Variants in CA10 observed in about 807,000 individuals in gnomAD.
CA10 encodes the protein carbonic anhydrase-related protein 10.
Under a neutral mutation model 44.2 loss-of-function variants are expected in CA10, and 14 were observed. The observed-to-expected ratio is 0.32, with a 90% CI of 0.21 to 0.50. The LOEUF is 0.50. Among genes scored for constraint, CA10 ranks in the 20% least tolerant of loss-of-function variants. The pLI, the probability that CA10 is intolerant of heterozygous loss-of-function variation, is 0.99. For synonymous variants in CA10, 159 were observed against 141.6 expected (o/e 1.12, Z -0.87); for missense variants, 350 against 409.7 (o/e 0.85, Z 1.26).
rs117338349 is a variant in CA10 at position 52,033,042 on chromosome 17, A to G, written c.136+39277T>C. The stretch of plus-strand genomic sequence containing the variant: ...TTGGCTTACTAAGTGGTTGGCAATG[A>G]CTCCAACTACAACATGGATTTGGAG... On this transcript the variant is annotated intron_variant, in intron 2 of 8. Coordinates refer to ENST00000451037, the MANE Select transcript of CA10 (RefSeq NM_020178.5). Among the ~76,000 whole-genome samples, 343 of 152,282 alleles carry G rather than the reference A, an allele frequency of 2.3e-3. 10 individuals carry two copies. The East Asian group carries it at 0.048, about 21-fold the overall frequency.
At chr17:51,720,401 C>A (rs1184357518) in intron 4 of CA10, among the ~76,000 whole-genome samples, 1 of 152,040 alleles carries the variant, frequency 6.6e-6, no homozygotes, top group Non-Finnish European at 1.5e-5. Context: ...AAGGTGGGGA[C>A]CCTAGATAGC....
At chr17:51,651,279 G>C (rs923749886) in intron 5 of CA10, among the ~76,000 whole-genome samples, 1 of 152,192 alleles carries the variant, frequency 6.6e-6, no homozygotes, top group Non-Finnish European at 1.5e-5. Flanking sequence ...CTGGATACCA[G>C]TGCCTAGCAG....
At chr17:51,679,104 A>G (rs535268677) in intron 4 of CA10, among the ~76,000 whole-genome samples, 2 of 152,314 alleles carry the variant, frequency 1.3e-5, no homozygotes, top group South Asian at 4.1e-4. Context: ...GGACATGGAC[A>G]CAAACAAGTA....
chr17:51,693,923 G>A (rs1041772409), intron 4 of CA10, among the ~76,000 whole-genome samples: 9 of 152,212 alleles, frequency 5.9e-5, no homozygotes, highest in Admixed American at 2.0e-4. Context: ...ATTCACCCCC[G>A]GCTGGACACA....
chr17:52,108,592 T>C (rs4794326), intron 1 of CA10, among the ~76,000 whole-genome samples: 97,477 of 150,548 alleles, frequency 0.65, 33,671 homozygotes, highest in African/African-American at 0.9. Context: ...CCCAGTTACT[T>C]AGGATGCTGA....
chr17:51,941,255 A>G (rs1211659321), intron 2 of CA10, among the ~76,000 whole-genome samples: 3 of 152,132 alleles, frequency 2.0e-5, no homozygotes, highest in Non-Finnish European at 4.4e-5. Context: ...TTCCTCCTCA[A>G]TATTTTGCTT....
chr17:52,103,239 G>A (rs567408487), intron 1 of CA10, among the ~76,000 whole-genome samples: 8 of 152,252 alleles, frequency 5.3e-5, no homozygotes, highest in South Asian at 2.1e-4. Flanking sequence ...GGAGGATAGC[G>A]TTATTGTTTT....
chr17:52,079,543 G>A (rs898681208), intron 1 of CA10, among the ~76,000 whole-genome samples: 7 of 152,032 alleles, frequency 4.6e-5, no homozygotes, highest in African/African-American at 1.7e-4. Flanking sequence ...CCTGATAAAC[G>A]TGGTAGTGAA....
At chr17:51,925,972 A>G (rs1036092401) in intron 3 of CA10, among the ~76,000 whole-genome samples, 1 of 152,114 alleles carries the variant, frequency 6.6e-6, no homozygotes, top group Admixed American at 6.6e-5. Flanking sequence ...TACTGGGTAC[A>G]GAGTTTCAAG....
chr17:51,879,870 C>T (rs1307507950), intron 3 of CA10, among the ~76,000 whole-genome samples: 2 of 152,226 alleles, frequency 1.3e-5, no homozygotes, highest in African/African-American at 2.4e-5. Context: ...ACCAATGGCA[C>T]TCCTTGAGTG....
intron 3 of CA10, among the ~76,000 whole-genome samples, chr17:51,909,265 C>T (rs1419077028): frequency 2.0e-5 from 3 of 152,098 alleles, no homozygotes; most frequent in Non-Finnish European, 4.4e-5. Context: ...TGGATGTCAT[C>T]CCTGGTTCTG....
intron 6 of CA10, among the ~76,000 whole-genome samples, chr17:51,638,236 C>G (rs547663976): frequency 6.6e-6 from 1 of 152,334 alleles, no homozygotes; most frequent in African/African-American, 2.4e-5. Context: ...TTGCCTACTC[C>G]ATTCAAAGCT....
At chr17:51,710,943 T>TTTTTC (rs1915924856) in intron 4 of CA10, among the ~76,000 whole-genome samples, 1 of 110,014 alleles carries the variant, frequency 9.1e-6, no homozygotes, top group Non-Finnish European at 2.0e-5. Flanking sequence ...TTTTTTTTTT[T>TTTTTC]TGCTTCACTG....
intron 2 of CA10, among the ~76,000 whole-genome samples, chr17:51,998,695 GAA>G (rs1311261842): frequency 6.6e-6 from 1 of 151,966 alleles, no homozygotes; most frequent in African/African-American, 2.4e-5. Flanking sequence ...ACACCACAGG[GAA>G]AGAGTCTAGT....
At chr17:51,683,922 T>A (rs1914926127) in intron 4 of CA10, among the ~76,000 whole-genome samples, 2 of 152,206 alleles carry the variant, frequency 1.3e-5, no homozygotes, top group South Asian at 4.1e-4. Context: ...ACCTTCAGAC[T>A]CCTAAGCCTG....
At chr17:52,056,280 T>C (rs899898667) in intron 2 of CA10, among the ~76,000 whole-genome samples, 13 of 152,004 alleles carry the variant, frequency 8.6e-5, no homozygotes, top group African/African-American at 3.1e-4. Context: ...CCAATTCTGT[T>C]CAGTGAGGGA....
intron 4 of CA10, among the ~76,000 whole-genome samples, chr17:51,732,142 G>A (rs989953937): frequency 1.3e-5 from 2 of 152,172 alleles, no homozygotes; most frequent in East Asian, 1.9e-4. Flanking sequence ...TAATGTTAAC[G>A]CCTGAGCAAC....
At chr17:52,140,343 C>T (rs546784506) in intron 1 of CA10, among the ~76,000 whole-genome samples, 3 of 152,122 alleles carry the variant, frequency 2.0e-5, no homozygotes, top group Admixed American at 6.6e-5. Context: ...TGAGCTTTGC[C>T]GGCCTTAGGC....
At chr17:51,869,687 ATC>A (rs1280368090) in intron 3 of CA10, among the ~76,000 whole-genome samples, 1 of 152,136 alleles carries the variant, frequency 6.6e-6, no homozygotes. Flanking sequence ...AGGGGAGAGG[ATC>A]ACTTGAGGTC....
Sources: gnomAD v4.1 joint callset for allele counts (sites outside exome capture counted in the v4.1 genomes callset) on GRCh38, gnomAD v4.1.1 for gene constraint, MANE v1.5 for transcripts, NCBI Gene and HGNC (gene_info 2026-07-23, HGNC 2026-07-21) for gene names.